The following CPNE4 variants were observed in gnomAD, a reference collection of about 807,000 sequenced individuals.
CPNE4 encodes the protein copine-4.
A neutral mutation model predicts 67.9 loss-of-function variants in CPNE4; 25 were observed. That is an observed-to-expected ratio of 0.37 (90% CI 0.27 to 0.51). The LOEUF (loss-of-function observed/expected upper bound fraction) is 0.51, where lower values mean the gene tolerates loss of function less well. Among genes scored for constraint, CPNE4 ranks in the 20% least tolerant of loss-of-function variants. The pLI is 0.93. For missense variants in CPNE4, 464 were observed against 690.8 expected, an observed-to-expected ratio of 0.67 and a Z score of 3.68; for synonymous variants, 242 against 244.9, an observed-to-expected ratio of 0.99 and a Z score of 0.11.
At chr3:131,899,741 T>G (rs72991351) in intron 2 of CPNE4, among the ~76,000 whole-genome samples, 8,799 of 152,200 alleles carry the variant, frequency 0.058, 484 homozygotes, top group African/African-American at 0.15. Context: ...ACATAAATGT[T>G]AATATTGCTT....
In CPNE4 at chr3:131,990,697, T is replaced by G. The variant is rs2073156479; in HGVS notation, c.-2+43870A>C. 2.9e-5 allele frequency among the ~76,000 whole-genome samples: 4 copies of G among 136,368 alleles called. 1 individual carries two copies. In the South Asian group the frequency reaches 1.0e-3, roughly 35 times the overall value. 89.5% of individuals were successfully genotyped at this position (136,368 alleles called of 152,430 possible). On this transcript the variant is annotated intron_variant, in intron 1 of 15. Transcript: ENST00000429747. ...AAAAATTTATTGGAATAATCGTTGG[T>G]GTCCCTTTCTTTTTCTGTCCTAGTG...
At chr3:131,847,618 C>A (rs564577349) in intron 2 of CPNE4, among the ~76,000 whole-genome samples, 4 of 152,190 alleles carry the variant, frequency 2.6e-5, no homozygotes, top group Admixed American at 6.5e-5. Context: ...GGGGATATAC[C>A]AATAAAACGT....
At chr3:131,781,759 T>C (rs2107855889) in intron 2 of CPNE4, among the ~76,000 whole-genome samples, 1 of 152,246 alleles carries the variant, frequency 6.6e-6, no homozygotes, top group Non-Finnish European at 1.5e-5. Flanking sequence ...CCAGAAAGCT[T>C]AGTTAATGTT....
intron 7 of CPNE4, among the ~76,000 whole-genome samples, chr3:131,646,235 G>C (rs1022655359): frequency 1.3e-5 from 2 of 152,092 alleles, no homozygotes; most frequent in Non-Finnish European, 2.9e-5. Flanking sequence ...TCCCCTTCCA[G>C]AGCAACATAT....
At chr3:131,759,172 C>T (rs2082829084) in intron 2 of CPNE4, among the ~76,000 whole-genome samples, 1 of 152,034 alleles carries the variant, frequency 6.6e-6, no homozygotes, top group Non-Finnish European at 1.5e-5. Context: ...GGTCATTGGG[C>T]AACAAGGAAT....
At chr3:131,907,010 G>GA (rs1364811904) in intron 1 of CPNE4, among the ~76,000 whole-genome samples, 4 of 151,654 alleles carry the variant, frequency 2.6e-5, no homozygotes, top group Non-Finnish European at 5.9e-5. Context: ...AAATTTACAA[G>GA]AAAAAAACAA....
At chr3:131,891,393 C>A (rs942145001) in intron 2 of CPNE4, among the ~76,000 whole-genome samples, 2 of 151,770 alleles carry the variant, frequency 1.3e-5, no homozygotes, top group African/African-American at 4.8e-5. Context: ...CAGGTGTATA[C>A]ATTAATCAAA....
At chr3:131,690,771 G>T in intron 5 of CPNE4, among the ~76,000 whole-genome samples, 1 of 151,292 alleles carries the variant, frequency 6.6e-6, no homozygotes. Flanking sequence ...GTGGCTGATA[G>T]AGTGGGAGAA....
chr3:131,637,660 T>G (rs2079428769), intron 7 of CPNE4, among the ~76,000 whole-genome samples: 1 of 152,130 alleles, frequency 6.6e-6, no homozygotes, highest in African/African-American at 2.4e-5. Flanking sequence ...TTGCTAGAGA[T>G]CTATACATCC....
In CPNE4 at chr3:132,023,898, C is replaced by T. The variant is rs1017616980; in HGVS notation, c.-2+10669G>A. On this transcript the variant is annotated intron_variant, in intron 1 of 15. Transcript: ENST00000429747. Reference sequence around the variant, plus strand: ...TAGGAGGAGATGAGAAGTTTCTCATCTTTGATGGCTACAAAAATCATCAAA... The same window carrying T: ...TAGGAGGAGATGAGAAGTTTCTCATTTTTGATGGCTACAAAAATCATCAAA... Among the ~76,000 whole-genome samples the T allele has an allele frequency of 9.2e-5, 14 of 152,220 alleles. 1 individual carries two copies. The highest frequency in any genetic ancestry group is 2.1e-4 in the South Asian group (1 of 4,820).
chr3:131,556,199 C>A (rs1420786634), intron 11 of CPNE4, among the ~76,000 whole-genome samples: 1 of 152,008 alleles, frequency 6.6e-6, no homozygotes, highest in African/African-American at 2.4e-5. Flanking sequence ...CATGGAGAAA[C>A]CCCATCTCTA....
chr3:131,790,522 C>G (rs1367932341), intron 2 of CPNE4, among the ~76,000 whole-genome samples: 1 of 152,096 alleles, frequency 6.6e-6, no homozygotes, highest in Non-Finnish European at 1.5e-5. Flanking sequence ...TCTATACAGG[C>G]CAAGCCTCAT....
At chr3:131,711,807 T>C (rs2081565400) in intron 3 of CPNE4, among the ~76,000 whole-genome samples, 1 of 152,228 alleles carries the variant, frequency 6.6e-6, no homozygotes, top group Admixed American at 6.5e-5. Flanking sequence ...ATGAGGAGTC[T>C]AGACTTTGGA....
At chr3:131,940,082 G>A (rs527916273) in intron 1 of CPNE4, among the ~76,000 whole-genome samples, 7 of 152,176 alleles carry the variant, frequency 4.6e-5, no homozygotes, top group Admixed American at 3.9e-4. Context: ...CCCTGTCCTG[G>A]AAGCTGAGTA....
chr3:131,708,240 G>A (rs999653977), intron 3 of CPNE4, among the ~76,000 whole-genome samples: 1 of 150,612 alleles, frequency 6.6e-6, no homozygotes, highest in Non-Finnish European at 1.5e-5. Context: ...CTGGACCTCT[G>A]GCTCCTGGGA....
chr3:131,680,613 ACTTT>A (rs1345016705), intron 6 of CPNE4, among the ~76,000 whole-genome samples: 2 of 152,062 alleles, frequency 1.3e-5, no homozygotes, highest in Non-Finnish European at 2.9e-5. Context: ...ATTTCATTAT[ACTTT>A]CTTTCTAAGG....
At chr3:131,631,866 C>T (rs756534606) in intron 7 of CPNE4, among the ~76,000 whole-genome samples, 2 of 150,756 alleles carry the variant, frequency 1.3e-5, no homozygotes, top group South Asian at 2.1e-4. Flanking sequence ...GTGCTTTACA[C>T]GTAATTATCC....
intron 2 of CPNE4, among the ~76,000 whole-genome samples, chr3:131,856,874 T>A (rs2086466674): frequency 6.6e-6 from 1 of 152,034 alleles, no homozygotes; most frequent in South Asian, 2.1e-4. Context: ...GTCACAGAGC[T>A]AATAAATAGC....
chr3:131,604,834 G>A (rs1469120030), intron 7 of CPNE4, among the ~76,000 whole-genome samples: 1 of 152,066 alleles, frequency 6.6e-6, no homozygotes, highest in Non-Finnish European at 1.5e-5. Context: ...GGGGTGATAT[G>A]TGCAATGTGG....
Sources: gnomAD v4.1 joint callset for allele counts (sites outside exome capture counted in the v4.1 genomes callset) on GRCh38, gnomAD v4.1.1 for gene constraint, MANE v1.5 for transcripts, NCBI Gene and HGNC (gene_info 2026-07-23, HGNC 2026-07-21) for gene names.